The following EFNB1 variants were observed in gnomAD, a reference collection of about 807,000 sequenced individuals.
EFNB1 encodes the protein ephrin-B1.
Under a neutral mutation model 18.1 loss-of-function variants are expected in EFNB1, and 1 was observed. The ratio of observed to expected loss-of-function variants is 0.06; its 90% confidence interval spans 0.02 to 0.26. The LOEUF (loss-of-function observed/expected upper bound fraction) is 0.26, where lower values mean the gene tolerates loss of function less well. EFNB1 is among the 10% of genes least tolerant of loss of function. The probability of loss-of-function intolerance (pLI) is 1.00; values close to 1 mark genes in which losing one functional copy is unlikely to be tolerated. For synonymous variants in EFNB1, 131 were observed against 127.5 expected (o/e 1.03, Z -0.19); for missense variants, 221 against 301.8 (o/e 0.73, Z 1.98).
chrX:68,829,771 G>A lies in EFNB1; in HGVS notation c.-6G>A, dbSNP rs774349071. 177 of 1,188,991 alleles carry A rather than the reference G, an allele frequency of 1.5e-4. No homozygotes were observed. Among genetic ancestry groups the A allele is most frequent in the Non-Finnish European group, 1.8e-4 (163 of 884,334 alleles). On this transcript the variant is annotated 5_prime_UTR_variant, in exon 1 of 5. Transcript: ENST00000204961. Reference sequence around the variant, plus strand: ...GGATCCCGAAGTGCAGTCTGCCCCCGGGAAGATGGCTCGGCCTGGGCAGCG... The same window carrying A: ...GGATCCCGAAGTGCAGTCTGCCCCCAGGAAGATGGCTCGGCCTGGGCAGCG...
Position 68,840,602 on chromosome X carries a change from T to G in EFNB1, c.989T>G (p.Ile330Ser), listed in dbSNP as rs2080475242. The G allele has an allele frequency of 8.3e-7, 1 of 1,209,287 alleles. No homozygotes were observed. ...VSGDYGHPVY[I>S]VQEMPPQSPA... ...GGGGACTACGGGCACCCTGTCTACATCGTCCAAGAGATGCCGCCCCAGAGC... is the reference window on the plus strand; with the variant it reads ...GGGGACTACGGGCACCCTGTCTACAGCGTCCAAGAGATGCCGCCCCAGAGC... The change falls in exon 5 of 5, where the codon ATC becomes AGC. Residue 330 changes from isoleucine to serine, a missense_variant. Ile to Ser is a moderately radical substitution (Grantham distance 142). Transcript: ENST00000204961.
chrX:68,832,811 CGT>C (rs3085479), intron 1 of EFNB1, among the ~76,000 whole-genome samples: 147 of 97,243 alleles, frequency 1.5e-3, no homozygotes, highest in Middle Eastern at 5.5e-3. Context: ...TCTGTGTGTG[CGT>C]GTGTGTGTGT....
intron 1 of EFNB1, among the ~76,000 whole-genome samples, chrX:68,830,671 T>C (rs1188486634): frequency 1.8e-5 from 2 of 111,416 alleles, no homozygotes; most frequent in African/African-American, 6.5e-5. Flanking sequence ...GGGCGGAGAG[T>C]GGCGGCCGAG....
In EFNB1 at chrX:68,840,025, G is replaced by A. The variant is rs150883256; in HGVS notation, c.565G>A (p.Val189Ile). Residue 189 changes from valine (V) to isoleucine (I), a missense_variant, in exon 4 of 5, where the codon GTC becomes ATC. Transcript: ENST00000204961. ...GCCCAGCAAGGAGGCAGACAACACT[G>A]TCAAGATGGCCACACAGGCCCCTGG... ...SRPSKEADNT[V>I]KMATQAPGSR... 201 of 1,210,728 alleles carry A rather than the reference G, an allele frequency of 1.7e-4. No individual in the cohort carries two copies. In the African/African-American group the frequency reaches 3.2e-3, roughly 20 times the overall value.
chrX:68,832,385 C>T (rs1416039252), intron 1 of EFNB1, among the ~76,000 whole-genome samples: 5 of 110,943 alleles, frequency 4.5e-5, no homozygotes, highest in Admixed American at 1.9e-4. Flanking sequence ...CTCTCAGGCT[C>T]ATTTTCTCTC....
intron 1 of EFNB1, among the ~76,000 whole-genome samples, chrX:68,832,484 C>T (rs965953907): frequency 3.6e-5 from 4 of 111,424 alleles, no homozygotes; most frequent in Non-Finnish European, 7.5e-5. Context: ...AGAAAATCTC[C>T]CAGTGCCTAT....
rs1171813858 is a variant in EFNB1 at position 68,840,455 on chromosome X, C to T, written c.842C>T (p.Ser281Leu). 1.7e-6 allele frequency: 2 copies of T among 1,211,675 alleles called. No individual in the cohort carries two copies. Among genetic ancestry groups the T allele is most frequent in the South Asian group, 1.8e-5 (1 of 56,885 alleles). The change falls in exon 5 of 5, where the codon TCG (serine) becomes TTG (leucine). Residue 281 changes from serine (S) to leucine (L), a missense_variant. Transcript: ENST00000204961. Reference sequence around the variant, plus strand: ...ACACAGCAGCGGGCGGCTGCCCTCTCGCTCAGTACCCTGGCCAGTCCCAAG... The same window carrying T: ...ACACAGCAGCGGGCGGCTGCCCTCTTGCTCAGTACCCTGGCCAGTCCCAAG... ...KHTQQRAAAL[S>L]LSTLASPKGG...
rs978792532 is a variant in EFNB1 at position 68,838,810 on chromosome X, A to C, written c.322A>C (p.Ile108Leu). The change falls in exon 2 of 5, where the codon ATA becomes CTA. Residue 108 changes from isoleucine to leucine, a missense_variant. Transcript: ENST00000204961. ...CACCTGCAATAGGCCAGAGCAGGAAATACGCTTTACCATCAAGTTCCAGGA... is the reference window on the plus strand; with the variant it reads ...CACCTGCAATAGGCCAGAGCAGGAACTACGCTTTACCATCAAGTTCCAGGA... ...LVTCNRPEQE[I>L]RFTIKFQEFS... 1 of 1,205,111 alleles carries C rather than the reference A, an allele frequency of 8.3e-7. No individual in the cohort carries two copies. The highest frequency in any genetic ancestry group is 1.8e-5 in the African/African-American group (1 of 57,092).
chrX:68,837,246 A>G (rs1322430264), intron 1 of EFNB1, among the ~76,000 whole-genome samples: 2 of 111,702 alleles, frequency 1.8e-5, no homozygotes, highest in Non-Finnish European at 3.8e-5. Context: ...TATGAGAGTG[A>G]GCTCATAGGT....
In EFNB1 at chrX:68,829,693, G is replaced by A. The variant is rs1414469946; in HGVS notation, c.-84G>A. ...GGAGGATGGGCGCCTGAGCGGCTCC[G>A]AGCGCAGCGCGGCAGAGGAAGGCGA... On this transcript the variant is annotated 5_prime_UTR_variant, in exon 1 of 5. Coordinates refer to ENST00000204961, the MANE Select transcript of EFNB1 (RefSeq NM_004429.5). 20 of 1,153,628 alleles carry A rather than the reference G, an allele frequency of 1.7e-5. No individual in the cohort carries two copies. Among genetic ancestry groups the A allele is most frequent in the Non-Finnish European group, 2.2e-5 (19 of 867,867 alleles).
chrX:68,832,404 C>G (rs953365953), intron 1 of EFNB1, among the ~76,000 whole-genome samples: 1 of 111,348 alleles, frequency 9.0e-6, no homozygotes, highest in Non-Finnish European at 1.9e-5. Flanking sequence ...TCTTCCTTCC[C>G]CTCTTCCTCT....
Position 68,839,724 on chromosome X carries a change from G to A in EFNB1, c.467G>A (p.Arg156His), listed in dbSNP as rs2080471631. ...CGGGAGGGCGGTGTGTGCCGCACAC[G>A]CACCATGAAGATCATCATGAAGGTT... is the stretch of plus-strand genomic sequence containing the variant. The part of the protein sequence containing the change: ...ENREGGVCRT[R>H]TMKIIMKVGQ... The change falls in exon 3 of 5, where the codon CGC becomes CAC. Residue 156 changes from arginine (R) to histidine (H), a missense_variant. Arg to His is a conservative substitution (Grantham distance 29). Coordinates refer to ENST00000204961, the MANE Select transcript of EFNB1 (RefSeq NM_004429.5). The A allele has an allele frequency of 3.3e-6, 4 of 1,209,610 alleles. No homozygotes were observed. The highest frequency in any genetic ancestry group is 2.2e-5 in the Admixed American group (1 of 45,871).
intron 4 of EFNB1, 55 bp from the exon 5 acceptor site, chrX:68,840,187 G>A: frequency 8.3e-7 from 1 of 1,210,276 alleles, no homozygotes; most frequent in African/African-American, 1.7e-5. Context: ...CCTGAAATCT[G>A]CTGTGTGTCC....
chrX:68,829,892 C>T lies in EFNB1; in HGVS notation c.116C>T (p.Ser39Phe). The change falls in exon 1 of 5, where the codon TCC becomes TTC. Residue 39 changes from serine (S) to phenylalanine (F), a missense_variant. Transcript: ENST00000204961. The stretch of plus-strand genomic sequence containing the variant: ...AACCTGGAGCCCGTATCCTGGAGCT[C>T]CCTCAACCCCAAGTGAGTAACTTAT... ...AKNLEPVSWS[S>F]LNPKFLSGKG... is the part of the protein sequence containing the mutation. The T allele has an allele frequency of 1.7e-6, 2 of 1,168,935 alleles. No homozygotes were observed. The highest frequency in any genetic ancestry group is 2.3e-6 in the Non-Finnish European group (2 of 873,427).
In EFNB1 at chrX:68,841,021, T is replaced by A; in HGVS notation, c.*367T>A. 1 of 235,491 alleles carries A rather than the reference T, an allele frequency of 4.2e-6. No individual in the cohort carries two copies. Among genetic ancestry groups the A allele is most frequent in the South Asian group, 1.4e-4 (1 of 7,296 alleles). The allele number at this position is 235,491 out of a possible 1,213,427, so 19.4% of individuals were successfully genotyped here. On this transcript the variant is annotated 3_prime_UTR_variant, in exon 5 of 5. Coordinates refer to ENST00000204961, the MANE Select transcript of EFNB1 (RefSeq NM_004429.5). ...ACTGCTTGTCCGCTATCATCACTGT[T>A]TTTAATGCTTTTGTGTTCATTTTTT...
chrX:68,839,177 G>A (rs1236603897), intron 2 of EFNB1, among the ~76,000 whole-genome samples: 1 of 112,234 alleles, frequency 8.9e-6, no homozygotes, highest in Non-Finnish European at 1.9e-5. Context: ...TTCTAATATT[G>A]GGAATGGTAA....
Position 68,839,913 on chromosome X carries a change from A to G in EFNB1, c.500-47A>G, listed in dbSNP as rs372654515. On this transcript the variant is annotated intron_variant, in intron 3 of 4. Transcript: ENST00000204961. Reference sequence around the variant, plus strand: ...CCACCCTTGATGACTGAGGGCACCTATGCTGGCCGGGTCCCTGCCTCTCAC... The same window carrying G: ...CCACCCTTGATGACTGAGGGCACCTGTGCTGGCCGGGTCCCTGCCTCTCAC... 102 of 1,209,313 alleles carry G rather than the reference A, an allele frequency of 8.4e-5. No homozygotes were observed. The Admixed American group carries it at 1.1e-3, about 13-fold the overall frequency.
At chrX:68,832,364 C>G (rs2080448006) in intron 1 of EFNB1, among the ~76,000 whole-genome samples, 1 of 110,492 alleles carries the variant, frequency 9.1e-6, no homozygotes, top group Admixed American at 9.7e-5. Flanking sequence ...TCGCACATGC[C>G]CGTGCTCTCC....
At chrX:68,839,919 G>T (rs2080472263) in intron 3 of EFNB1, 41 bp from the exon 4 acceptor site, 3 of 1,209,541 alleles carry the variant, frequency 2.5e-6, no homozygotes. Flanking sequence ...ACCTATGCTG[G>T]CCGGGTCCCT....
Sources: allele counts gnomAD v4.1 joint callset (sites outside exome capture counted in the v4.1 genomes callset), GRCh38; gene constraint gnomAD v4.1.1; transcripts MANE v1.5; gene names NCBI Gene and HGNC (gene_info 2026-07-23, HGNC 2026-07-21).